The following BMF variants were observed in gnomAD, a reference collection of about 807,000 sequenced individuals.
BMF encodes bcl-2-modifying factor.
Under a neutral mutation model 22.0 loss-of-function variants are expected in BMF, and 10 were observed. That is an observed-to-expected ratio of 0.45 (90% CI 0.28 to 0.77). BMF has a LOEUF of 0.77. BMF is among the 30% of genes least tolerant of loss of function. The probability of loss-of-function intolerance (pLI) is 0.13; values close to 1 mark genes in which losing one functional copy is unlikely to be tolerated. For missense variants in BMF, 206 were observed against 226.8 expected (o/e 0.91, Z 0.59); for synonymous variants, 87 against 88.1 (o/e 0.99, Z 0.07).
In BMF at chr15:40,090,468, C is replaced by A. The variant is rs533898082; in HGVS notation, c.*1319G>T. 3 of 152,806 alleles carry A rather than the reference C, an allele frequency of 2.0e-5. No homozygotes were observed. Among genetic ancestry groups the A allele is most frequent in the African/African-American group, 4.8e-5 (2 of 41,582 alleles). The allele number at this position is 152,806 out of a possible 1,614,324, so 9.5% of individuals were successfully genotyped here. On this transcript the variant is annotated 3_prime_UTR_variant, in exon 5 of 5. Coordinates refer to ENST00000354670, the MANE Select transcript of BMF (RefSeq NM_001003940.2). ...TTCTAGCGTCTGGTTAACAGATTCC[C>A]TGTGCCTGCTATCGGAGCTGCCACA...
Position 40,090,347 on chromosome 15 carries a change from C to T in BMF, c.*1440G>A, listed in dbSNP as rs1461861470. ...CTATTTCCTTGGGTAGCCCTGAGGT[C>T]TTCTTTGTCCAGGGAAGCCGTCTTT... On this transcript the variant is annotated 3_prime_UTR_variant, in exon 5 of 5. Coordinates refer to ENST00000354670, the MANE Select transcript of BMF (RefSeq NM_001003940.2). 6.6e-6 allele frequency: 1 copy of T among 152,666 alleles called. No homozygotes were observed. The highest frequency in any genetic ancestry group is 1.5e-5 in the Non-Finnish European group (1 of 68,040). 9.5% of individuals were successfully genotyped at this position (152,666 alleles called of 1,614,324 possible).
intron 4 of BMF, among the ~76,000 whole-genome samples, chr15:40,102,739 C>T (rs541997783): frequency 5.9e-5 from 9 of 152,308 alleles, no homozygotes; most frequent in Non-Finnish European, 1.2e-4. Flanking sequence ...GAGCTGGGCT[C>T]AGCCGTAGGC....
At chr15:40,095,280 C>T (rs1200981231) in intron 4 of BMF, among the ~76,000 whole-genome samples, 2 of 152,110 alleles carry the variant, frequency 1.3e-5, no homozygotes, top group African/African-American at 4.8e-5. Flanking sequence ...TAAAATTTTT[C>T]CTAAAAGTTT....
chr15:40,105,073 GGGGCAGTTCCCTCT>G (rs1241551805), intron 3 of BMF, among the ~76,000 whole-genome samples: 1 of 152,160 alleles, frequency 6.6e-6, no homozygotes, highest in Non-Finnish European at 1.5e-5. Context: ...ACTGCCCTAA[GGGGCAGTTCCCTCT>G]GGGAGTAACT....
At chr15:40,104,628 G>T (rs1186940812) in intron 3 of BMF, among the ~76,000 whole-genome samples, 1 of 152,206 alleles carries the variant, frequency 6.6e-6, no homozygotes, top group Non-Finnish European at 1.5e-5. Context: ...GAACATGCCA[G>T]CCTTCCGTCC....
chr15:40,101,364 C>T (rs2036472675), intron 4 of BMF, among the ~76,000 whole-genome samples: 1 of 152,208 alleles, frequency 6.6e-6, no homozygotes, highest in Admixed American at 6.5e-5. Context: ...GGTATTAGCA[C>T]TAATTCATAG....
rs531375512 is a variant in BMF at position 40,091,112 on chromosome 15, T to C, written c.*675A>G. 2.0e-5 allele frequency: 3 copies of C among 152,840 alleles called. No homozygotes were observed. The South Asian group carries it at 6.2e-4, about 32-fold the overall frequency. The allele number at this position is 152,840 out of a possible 1,614,324, so 9.5% of individuals were successfully genotyped here. ...GAGGCCTAGCCAGAAGTTTGGTTCA[T>C]TTTGCGACATGTTTGAGGGGTCCTT... On this transcript the variant is annotated 3_prime_UTR_variant, in exon 5 of 5. Coordinates refer to ENST00000354670, the MANE Select transcript of BMF (RefSeq NM_001003940.2).
At chr15:40,101,476 AG>A (rs2036474683) in intron 4 of BMF, among the ~76,000 whole-genome samples, 1 of 152,220 alleles carries the variant, frequency 6.6e-6, no homozygotes, top group African/African-American at 2.4e-5. Flanking sequence ...CCCAAAGCCT[AG>A]AAACTAAATC....
At chr15:40,095,568 G>A (rs531690653) in intron 4 of BMF, among the ~76,000 whole-genome samples, 84 of 152,274 alleles carry the variant, frequency 5.5e-4, no homozygotes, top group African/African-American at 1.9e-3. Context: ...CCAGAACCAG[G>A]CCTGCCCTCC....
In BMF at chr15:40,098,220, C is replaced by T. The variant is rs150897259; in HGVS notation, c.453+5960G>A. On this transcript the variant is annotated intron_variant, in intron 4 of 4. Transcript: ENST00000354670. The stretch of plus-strand genomic sequence containing the variant: ...TGGAAGATGGCAAGGCTTCCTCTAA[C>T]GCAACTGGAAGACACTGGCTCCAGC... Among the ~76,000 whole-genome samples the T allele has an allele frequency of 1.6e-3, 248 of 152,320 alleles. 1 individual carries two copies. Among genetic ancestry groups the T allele is most frequent in the African/African-American group, 5.8e-3 (241 of 41,568 alleles).
intron 4 of BMF, among the ~76,000 whole-genome samples, chr15:40,097,349 A>G (rs906899886): frequency 6.6e-6 from 1 of 152,268 alleles, no homozygotes; most frequent in East Asian, 1.9e-4. Flanking sequence ...GCTAAGAGTT[A>G]TGTGGATACA....
intron 3 of BMF, 69 bp from the exon 4 acceptor site, chr15:40,104,409 C>G: frequency 6.3e-7 from 1 of 1,578,074 alleles, no homozygotes; most frequent in Non-Finnish European, 8.6e-7. Flanking sequence ...GCCTGCCTGA[C>G]CTGGCCAAGA....
Position 40,099,554 on chromosome 15 carries a change from G to A in BMF, c.453+4626C>T, listed in dbSNP as rs963008549. On this transcript the variant is annotated intron_variant, in intron 4 of 4. Coordinates refer to ENST00000354670, the MANE Select transcript of BMF (RefSeq NM_001003940.2). The stretch of plus-strand genomic sequence containing the variant: ...AGCACTTTGGGAGGCCGAGATGGGC[G>A]GATCGCCTGAGGTCGCGAGTTCAAG... Among the ~76,000 whole-genome samples, 7 of 152,150 alleles carry A rather than the reference G, an allele frequency of 4.6e-5. 1 individual carries two copies. In the Middle Eastern group the frequency reaches 0.01, roughly 222 times the overall value.
intron 4 of BMF, among the ~76,000 whole-genome samples, chr15:40,101,960 C>G (rs1183645824): frequency 6.6e-6 from 1 of 152,102 alleles, no homozygotes; most frequent in Non-Finnish European, 1.5e-5. Context: ...GTACAGGAAA[C>G]CTGGGAGCCA....
chr15:40,105,071 A>T (rs1351650941), intron 3 of BMF, among the ~76,000 whole-genome samples: 1 of 152,110 alleles, frequency 6.6e-6, no homozygotes, highest in Non-Finnish European at 1.5e-5. Flanking sequence ...GAACTGCCCT[A>T]AGGGGCAGTT....
chr15:40,099,846 T>C (rs558793456), intron 4 of BMF, among the ~76,000 whole-genome samples: 2 of 149,220 alleles, frequency 1.3e-5, no homozygotes, highest in Non-Finnish European at 3.0e-5. Flanking sequence ...ACATAACTTA[T>C]AAGTGGCAGA....
chr15:40,091,901 A>G lies in BMF; in HGVS notation c.454-13T>C, dbSNP rs761925921. The stretch of plus-strand genomic sequence containing the variant: ...GGTTCTGCTGGTGCTGAAGGGAGAA[A>G]AAAAAAAAAGACCAACATAACTCCC... On this transcript the variant is annotated splice_polypyrimidine_tract_variant and intron_variant, in intron 4 of 4. Transcript: ENST00000354670. 4.5e-6 allele frequency: 7 copies of G among 1,561,242 alleles called. No homozygotes were observed. Among genetic ancestry groups the G allele is most frequent in the Admixed American group, 1.9e-5 (1 of 53,486 alleles).
intron 2 of BMF, among the ~76,000 whole-genome samples, chr15:40,107,761 G>A (rs1404329232): frequency 1.3e-5 from 2 of 152,116 alleles, no homozygotes; most frequent in Admixed American, 1.3e-4. Flanking sequence ...TCACCAGCAC[G>A]AGTCATTGTC....
intron 4 of BMF, among the ~76,000 whole-genome samples, chr15:40,099,804 G>C (rs972997259): frequency 2.1e-5 from 3 of 143,566 alleles, no homozygotes; most frequent in Admixed American, 2.0e-4. Context: ...AAAAAAAAAG[G>C]CTTGGAGAGA....
Sources: allele counts gnomAD v4.1 joint callset (sites outside exome capture counted in the v4.1 genomes callset), GRCh38; gene constraint gnomAD v4.1.1; transcripts MANE v1.5; gene names NCBI Gene and HGNC (gene_info 2026-07-23, HGNC 2026-07-21).